Variants in NTM observed in about 807,000 individuals in gnomAD.
NTM encodes IgLON family member 2.
A neutral mutation model predicts 42.1 loss-of-function variants in NTM; 13 were observed. The ratio of observed to expected loss-of-function variants is 0.31; its 90% confidence interval spans 0.20 to 0.49. NTM has a LOEUF of 0.49. Ranked by LOEUF, NTM falls within the 20% of genes least tolerant of loss-of-function variation. The pLI is 0.99. For synonymous variants in NTM, 187 were observed against 179.2 expected, an observed-to-expected ratio of 1.04 and a Z score of -0.35; for missense variants, 373 against 452.8, an observed-to-expected ratio of 0.82 and a Z score of 1.60.
intron 1 of NTM, among the ~76,000 whole-genome samples, chr11:131,412,851 G>C (rs1264187074): frequency 1.3e-5 from 2 of 152,132 alleles, no homozygotes; most frequent in Non-Finnish European, 2.9e-5. Context: ...TAACAAGAAA[G>C]GGAAAATGTC....
intron 1 of NTM, among the ~76,000 whole-genome samples, chr11:131,860,540 T>G (rs2136950272): frequency 6.6e-6 from 1 of 152,260 alleles, no homozygotes; most frequent in South Asian, 2.1e-4. Context: ...TAGCACTTAC[T>G]AACATACCAG....
chr11:131,551,533 C>G (rs2054669985), intron 1 of NTM, among the ~76,000 whole-genome samples: 1 of 151,976 alleles, frequency 6.6e-6, no homozygotes, highest in Non-Finnish European at 1.5e-5. Flanking sequence ...CAGCTGAAAA[C>G]CCAATTTAGC....
intron 1 of NTM, among the ~76,000 whole-genome samples, chr11:131,844,513 T>C (rs1190651210): frequency 6.6e-6 from 1 of 152,220 alleles, no homozygotes; most frequent in African/African-American, 2.4e-5. Context: ...TCTCTTGATA[T>C]TGTCACTGAA....
intron 4 of NTM, among the ~76,000 whole-genome samples, chr11:132,237,168 C>T (rs949346176): frequency 1.3e-5 from 2 of 152,330 alleles, no homozygotes; most frequent in East Asian, 1.9e-4. Context: ...AGTAAACGTC[C>T]GGAACATGGG....
intron 4 of NTM, among the ~76,000 whole-genome samples, chr11:132,284,078 C>T (rs1230706837): frequency 6.6e-6 from 1 of 152,184 alleles, no homozygotes; most frequent in African/African-American, 2.4e-5. Context: ...GCCTCAGCCC[C>T]AGGATCCCTA....
intron 1 of NTM, among the ~76,000 whole-genome samples, chr11:131,688,821 C>T (rs1339782661): frequency 6.6e-6 from 1 of 152,192 alleles, no homozygotes; most frequent in Non-Finnish European, 1.5e-5. Context: ...CTAGGACCCT[C>T]AGAAAATATT....
At chr11:131,869,089 C>T (rs1269232584) in intron 1 of NTM, among the ~76,000 whole-genome samples, 1 of 144,168 alleles carries the variant, frequency 6.9e-6, no homozygotes, top group Admixed American at 7.1e-5. Context: ...CGTGCAATCA[C>T]CCCCCAGCCC....
At chr11:131,400,440 G>A (rs1220526412) in intron 1 of NTM, among the ~76,000 whole-genome samples, 1 of 152,104 alleles carries the variant, frequency 6.6e-6, no homozygotes, top group Non-Finnish European at 1.5e-5. Flanking sequence ...TGGAGTGTTG[G>A]TCAAAAGCAT....
intron 2 of NTM, among the ~76,000 whole-genome samples, chr11:131,941,311 T>C (rs1183588109): frequency 6.6e-6 from 1 of 152,208 alleles, no homozygotes; most frequent in South Asian, 2.1e-4. Context: ...CCTGGGCTTC[T>C]GTTCCCTTCT....
intron 1 of NTM, among the ~76,000 whole-genome samples, chr11:131,877,523 T>C (rs2048716119): frequency 6.6e-6 from 1 of 152,132 alleles, no homozygotes; most frequent in South Asian, 2.1e-4. Flanking sequence ...GAGGGCCCTT[T>C]TGTATCTCCC....
rs574367432 is a variant in NTM, at chr11:131,551,497, G to A, written c.82+180609G>A. The stretch of plus-strand genomic sequence containing the variant: ...TCCCTCTTGGAATTCAATTCTCAGT[G>A]TACACAGAGACTCCAGGAAGCCTTG... On this transcript the variant is annotated intron_variant, in intron 1 of 8. Transcript: ENST00000683400. Among the ~76,000 whole-genome samples, 85 of 151,866 alleles carry A rather than the reference G, an allele frequency of 5.6e-4. 3 individuals carry two copies. The South Asian group carries it at 0.015, about 27-fold the overall frequency.
chr11:131,962,971 C>T (rs2062396536), intron 2 of NTM, among the ~76,000 whole-genome samples: 2 of 152,166 alleles, frequency 1.3e-5, no homozygotes, highest in South Asian at 2.1e-4. Context: ...TGTGAAATAG[C>T]GTTTGCTACA....
intron 1 of NTM, among the ~76,000 whole-genome samples, chr11:131,736,659 G>T (rs1376097491): frequency 6.6e-6 from 1 of 152,090 alleles, no homozygotes; most frequent in East Asian, 1.9e-4. Context: ...TCACTCCTTG[G>T]CAAGGCAGCC....
At chr11:132,116,445 T>C (rs146041122) in intron 2 of NTM, among the ~76,000 whole-genome samples, 2 of 152,306 alleles carry the variant, frequency 1.3e-5, no homozygotes, top group African/African-American at 2.4e-5. Context: ...CTGGGAATTA[T>C]AGGGAATGCA....
At position 132,317,559 on chromosome 11, in the gene NTM, C is replaced by T. The variant is rs531088762; in HGVS notation, c.934+2856C>T. 3.5e-4 allele frequency: 206 copies of T among 581,114 alleles called. 1 individual carries two copies. In the African/African-American group the frequency reaches 3.7e-3, roughly 10 times the overall value. The allele number at this position is 581,114 out of a possible 1,614,324, so 36.0% of individuals were successfully genotyped here. On this transcript the variant is annotated intron_variant, in intron 7 of 8. Transcript: ENST00000683400. Reference sequence around the variant, plus strand: ...ATCCCCCAGAAATGTCTGTGAAAGGCAGTATACAAACTATATATGACAAAT... The same window carrying T: ...ATCCCCCAGAAATGTCTGTGAAAGGTAGTATACAAACTATATATGACAAAT...
chr11:132,154,794 G>T (rs542389450), intron 3 of NTM, among the ~76,000 whole-genome samples: 1 of 152,170 alleles, frequency 6.6e-6, no homozygotes, highest in Non-Finnish European at 1.5e-5. Flanking sequence ...GTTGAATGTC[G>T]CCTGCAGTAA....
chr11:131,947,652 A>G (rs997272129), intron 2 of NTM, among the ~76,000 whole-genome samples: 2 of 152,080 alleles, frequency 1.3e-5, no homozygotes, highest in Admixed American at 1.3e-4. Context: ...ATTTTTTTCA[A>G]TTTATTTAGT....
chr11:131,559,724 C>A (rs978640605), intron 1 of NTM, among the ~76,000 whole-genome samples: 1 of 152,160 alleles, frequency 6.6e-6, no homozygotes, highest in African/African-American at 2.4e-5. Context: ...ACCTTGACAG[C>A]CACAGCTTTG....
At chr11:132,056,565 G>GAATACGTC (rs1476382188) in intron 2 of NTM, among the ~76,000 whole-genome samples, 19 of 152,216 alleles carry the variant, frequency 1.2e-4, no homozygotes, top group Non-Finnish European at 2.6e-4. Context: ...ATACATGAAT[G>GAATACGTC]AATACGTCAA....
Sources: allele counts gnomAD v4.1 joint callset (sites outside exome capture counted in the v4.1 genomes callset), GRCh38; gene constraint gnomAD v4.1.1; transcripts MANE v1.5; gene names NCBI Gene and HGNC (gene_info 2026-07-23, HGNC 2026-07-21).